The following FUS variants were observed in gnomAD, a reference collection of about 807,000 sequenced individuals.
FUS encodes FUS RNA binding protein.
Under a neutral mutation model 82.7 loss-of-function variants are expected in FUS, and 5 were observed. The observed-to-expected ratio is 0.06, with a 90% CI of 0.03 to 0.13. The LOEUF (loss-of-function observed/expected upper bound fraction) is 0.13, where lower values mean the gene tolerates loss of function less well. FUS is among the 10% of genes least tolerant of loss of function. The probability of loss-of-function intolerance (pLI) is 1.00; values close to 1 mark genes in which losing one functional copy is unlikely to be tolerated. For missense variants in FUS, 512 were observed against 707.8 expected (o/e 0.72, Z 3.14); for synonymous variants, 281 against 247.4 (o/e 1.14, Z -1.27).
chr16:31,183,758 G>T, intron 3 of FUS, 100 bp from the exon 4 acceptor site: 1 of 1,440,396 alleles, frequency 6.9e-7, no homozygotes, highest in East Asian at 2.3e-5. Flanking sequence ...CTTCTGAGAG[G>T]CTGGCTTTAT....
rs1181204966 is a variant in FUS, at chr16:31,191,477, C to T, written c.*39C>T. The T allele has an allele frequency of 6.2e-7, 1 of 1,608,804 alleles. No homozygotes were observed. The highest frequency in any genetic ancestry group is 1.7e-5 in the Admixed American group (1 of 59,968). ...CCAGGTTCTGGAACAGCTTTTTGTC[C>T]TGTACCCAGTGTTACCCTCGTTATT... is the stretch of plus-strand genomic sequence containing the variant. On this transcript the variant is annotated 3_prime_UTR_variant, in exon 15 of 15. Coordinates refer to ENST00000254108, the MANE Select transcript of FUS (RefSeq NM_004960.4).
downstream of FUS, chr16:31,194,409 C>G (rs545269450): frequency 2.0e-6 from 1 of 512,222 alleles, no homozygotes; most frequent in Middle Eastern, 5.6e-4. Flanking sequence ...CCACCTCAGC[C>G]TCTGGAGTAG....
downstream of FUS, chr16:31,194,490 G>T (rs1250058355): frequency 1.0e-5 from 5 of 499,950 alleles, no homozygotes; most frequent in Non-Finnish European, 2.0e-5. Context: ...TGGAGATGGG[G>T]TCTTGCCATG....
rs754439441 is a variant in FUS at position 31,184,423 on chromosome 16, G to A, written c.523+27G>A. 6 of 1,558,318 alleles carry A rather than the reference G, an allele frequency of 3.9e-6. No homozygotes were observed. The South Asian group carries it at 6.7e-5, about 17-fold the overall frequency. On this transcript the variant is annotated intron_variant, in intron 5 of 14. Coordinates refer to ENST00000254108, the MANE Select transcript of FUS (RefSeq NM_004960.4). ...TGAGATGTCTTCAGCTTTGTCTGCAGCCCATTTTCTTTTTCTTTTTTTTTT... is the reference window on the plus strand; with the variant it reads ...TGAGATGTCTTCAGCTTTGTCTGCAACCCATTTTCTTTTTCTTTTTTTTTT...
Position 31,189,757 on chromosome 16 carries a change from C to T in FUS, c.1029C>T (p.Asp343=), listed in dbSNP as rs1240801184. ...LKGEATVSFD[D]PPSAKAAIDW... is the part of the protein sequence containing the mutation. ...GAGAGGCAACGGTCTCTTTTGATGA[C>T]CCACCTTCAGCTAAAGCAGCTATTG... The change falls in exon 10 of 15, where the codon GAC becomes GAT. Residue 343 remains aspartate, a synonymous_variant. Coordinates refer to ENST00000254108, the MANE Select transcript of FUS (RefSeq NM_004960.4). 1 of 1,614,174 alleles carries T rather than the reference C, an allele frequency of 6.2e-7. No individual in the cohort carries two copies. The highest frequency in any genetic ancestry group is 8.5e-7 in the Non-Finnish European group (1 of 1,180,042).
chr16:31,186,459 C>A, intron 6 of FUS: 1 of 428,532 alleles, frequency 2.3e-6, no homozygotes, highest in Non-Finnish European at 4.3e-6. Context: ...GTTTTTAAAC[C>A]AACTACTTGG....
chr16:31,189,575 G>C (rs1380302975), intron 9 of FUS, 90 bp from the exon 10 acceptor site: 1 of 1,577,020 alleles, frequency 6.3e-7, no homozygotes, highest in African/African-American at 1.3e-5. Context: ...TGAAGTTTGG[G>C]AATTATAAAC....
At chr16:31,185,243 C>G (rs1376842497) in intron 6 of FUS, 64 bp downstream of exon 6, 15 of 1,511,838 alleles carry the variant, frequency 9.9e-6, no homozygotes, top group South Asian at 5.1e-5. Context: ...ATGAATCTCC[C>G]TGAAGCCAGT....
rs72550890 is a variant in FUS at position 31,185,081 on chromosome 16, T to TGGCGGCGGC, written c.678_686dup (p.Gly229_Gly231dup). 44 of 1,607,446 alleles carry TGGCGGCGGC rather than the reference T, an allele frequency of 2.7e-5. No individual in the cohort carries two copies. Among genetic ancestry groups the TGGCGGCGGC allele is most frequent in the South Asian group, 5.5e-5 (5 of 90,764 alleles). ...GAGGCCGCGGCAGGGGTGGCAGTGG[T>TGGCGGCGGC]GGCGGCGGCGGCGGCGGCGGTGGTG... is the stretch of plus-strand genomic sequence containing the variant. On this transcript the variant is annotated inframe_insertion, in exon 6 of 15. Transcript: ENST00000254108.
At chr16:31,193,513 C>G (rs1298654188), downstream of FUS, 1 of 529,386 alleles carries the variant, frequency 1.9e-6, no homozygotes, top group Non-Finnish European at 3.7e-6. Flanking sequence ...TGATGCCCTC[C>G]TGTTAGGAGT....
Position 31,185,105 on chromosome 16 carries a change from T to C in FUS, c.690T>C (p.Gly230=), listed in dbSNP as rs756343192. 9 of 1,607,170 alleles carry C rather than the reference T, an allele frequency of 5.6e-6. No homozygotes were observed. The highest frequency in any genetic ancestry group is 2.2e-5 in the South Asian group (2 of 90,602). Reference sequence around the variant, plus strand: ...GTGGCGGCGGCGGCGGCGGCGGTGGTGGTTACAACCGCAGCAGTGGTGGCT... The same window carrying C: ...GTGGCGGCGGCGGCGGCGGCGGTGGCGGTTACAACCGCAGCAGTGGTGGCT... The part of the protein sequence containing the change: ...GSGGGGGGGG[G]GYNRSSGGYE... The change falls in exon 6 of 15, where the codon GGT becomes GGC. Residue 230 remains glycine, a synonymous_variant. Transcript: ENST00000254108.
At chr16:31,191,933 C>A (rs975736590), downstream of FUS, 5 of 533,986 alleles carry the variant, frequency 9.4e-6, no homozygotes, top group African/African-American at 7.4e-5. Flanking sequence ...ACTCTTTGAT[C>A]TTTTGGCCCT....
At chr16:31,190,442 C>G in intron 12 of FUS, 44 bp downstream of exon 12, 1 of 1,613,306 alleles carries the variant, frequency 6.2e-7, no homozygotes, top group Non-Finnish European at 8.5e-7. Context: ...TGCATGCGTG[C>G]TCTTTGATAT....
At chr16:31,180,341 C>T in intron 1 of FUS, 114 bp downstream of exon 1, 3 of 1,386,072 alleles carry the variant, frequency 2.2e-6, no homozygotes, top group South Asian at 2.5e-5. Context: ...TTTTGGCGCC[C>T]CTGTGGCGGG....
At chr16:31,186,428 T>A in intron 6 of FUS, 1 of 402,896 alleles carries the variant, frequency 2.5e-6, no homozygotes, top group Admixed American at 4.0e-5. Flanking sequence ...GTGAAATGTC[T>A]TCTGGGTAAA....
downstream of FUS, chr16:31,193,955 C>T (rs1455249619): frequency 9.4e-6 from 5 of 531,234 alleles, no homozygotes; most frequent in East Asian, 3.9e-5. Context: ...CCAGAATACT[C>T]TATTCTTACT....
intron 6 of FUS, chr16:31,186,092 G>T (rs1474918418): frequency 4.2e-6 from 1 of 237,416 alleles, no homozygotes; most frequent in Non-Finnish European, 8.3e-6. Context: ...ACAAAAATGA[G>T]GAAATGTGTG....
intron 10 of FUS, 117 bp from the exon 11 acceptor site, chr16:31,189,923 C>T (rs1463807173): frequency 1.0e-5 from 16 of 1,576,892 alleles, no homozygotes; most frequent in Non-Finnish European, 1.4e-5. Flanking sequence ...CAGGTAGTCT[C>T]ATTTTTGCTT....
chr16:31,190,207 G>T (rs2079332733), intron 11 of FUS, 66 bp downstream of exon 11: 33 of 1,613,946 alleles, frequency 2.0e-5, no homozygotes, highest in Non-Finnish European at 2.3e-5. Flanking sequence ...GTAAAGGCTT[G>T]CATGGAATGG....
Sources: gnomAD v4.1 joint callset for allele counts on GRCh38, gnomAD v4.1.1 for gene constraint, MANE v1.5 for transcripts, NCBI Gene and HGNC (gene_info 2026-07-23, HGNC 2026-07-21) for gene names.